Variants in PRKCQ observed in about 807,000 individuals in gnomAD.
PRKCQ encodes the protein protein kinase C theta type.
Under a neutral mutation model 91.2 loss-of-function variants are expected in PRKCQ, and 41 were observed. The ratio of observed to expected loss-of-function variants is 0.45; its 90% confidence interval spans 0.35 to 0.58. The LOEUF (loss-of-function observed/expected upper bound fraction) is 0.58, where lower values mean the gene tolerates loss of function less well. Ranked by LOEUF, PRKCQ falls within the 20% of genes least tolerant of loss-of-function variation. PRKCQ has a pLI of 0.00. For synonymous variants in PRKCQ, 307 were observed against 316.9 expected (o/e 0.97, Z 0.33); for missense variants, 673 against 896.5 (o/e 0.75, Z 3.18).
intron 1 of PRKCQ, among the ~76,000 whole-genome samples, chr10:6,540,180 G>C (rs886724589): frequency 6.6e-6 from 1 of 152,122 alleles, no homozygotes; most frequent in Admixed American, 6.5e-5. Context: ...ACTAGTTCTT[G>C]CTGCCAGGAT....
the PRKCQ span, among the ~76,000 whole-genome samples, chr10:6,402,279 ATACC>A: frequency 3.3e-5 from 5 of 150,866 alleles, no homozygotes; most frequent in Non-Finnish European, 7.4e-5. Flanking sequence ...TGGCACGTGC[ATACC>A]TATGTAACAA....
chr10:6,406,362 G>C, the PRKCQ span, among the ~76,000 whole-genome samples: 1 of 151,316 alleles, frequency 6.6e-6, no homozygotes. Flanking sequence ...TTGCACAATG[G>C]GGCCCGTGTT....
At chr10:6,507,614 C>CTCAATACAA (rs1372768507) in intron 3 of PRKCQ, 118 bp from the exon 4 acceptor site, 5 of 882,686 alleles carry the variant, frequency 5.7e-6, no homozygotes, top group Non-Finnish European at 9.5e-6. Flanking sequence ...ATCATTGTTA[C>CTCAATACAA]TCTCCACTGT....
chr10:6,420,098 C>T, the PRKCQ span, among the ~76,000 whole-genome samples: 1 of 152,138 alleles, frequency 6.6e-6, no homozygotes, highest in Non-Finnish European at 1.5e-5. Flanking sequence ...AAGTGATTCT[C>T]CTGCCTCAGC....
At chr10:6,401,423 G>A in the PRKCQ span, among the ~76,000 whole-genome samples, 3 of 151,988 alleles carry the variant, frequency 2.0e-5, no homozygotes, top group Non-Finnish European at 2.9e-5. Context: ...ACATAATTAA[G>A]TAGACAACCT....
chr10:6,524,960 G>A (rs978041090), intron 1 of PRKCQ, among the ~76,000 whole-genome samples: 1 of 152,144 alleles, frequency 6.6e-6, no homozygotes, highest in Non-Finnish European at 1.5e-5. Flanking sequence ...GTTTAAAAAG[G>A]GGTTAGGCTT....
chr10:6,557,767 A>G (rs367833789), intron 1 of PRKCQ, among the ~76,000 whole-genome samples: 3 of 152,138 alleles, frequency 2.0e-5, no homozygotes, highest in East Asian at 3.9e-4. Flanking sequence ...CATGAATTCT[A>G]CTTTTTCCAG....
At chr10:6,432,446 C>T (rs923800439) in intron 16 of PRKCQ, among the ~76,000 whole-genome samples, 3 of 152,074 alleles carry the variant, frequency 2.0e-5, no homozygotes, top group Non-Finnish European at 4.4e-5. Context: ...TGCAATCACC[C>T]GGTGTATCTG....
intron 5 of PRKCQ, among the ~76,000 whole-genome samples, chr10:6,498,042 C>T (rs1837709141): frequency 6.6e-6 from 1 of 152,160 alleles, no homozygotes; most frequent in South Asian, 2.1e-4. Context: ...AAAGTAGCAC[C>T]AGCAGGGTTG....
At chr10:6,580,337 C>T (rs1037736554), upstream of PRKCQ, 5 of 144,594 alleles carry the variant, frequency 3.5e-5, no homozygotes, top group African/African-American at 1.3e-4. Context: ...GGGCCCGGCG[C>T]ACTGCGGGTG....
Position 6,576,469 on chromosome 10 carries a change from T to G in PRKCQ, c.-10+3742A>C, listed in dbSNP as rs1841241216. Among the ~76,000 whole-genome samples the G allele has an allele frequency of 6.6e-6, 1 of 152,238 alleles. No individual in the cohort carries two copies. The highest frequency in any genetic ancestry group is 1.5e-5 in the Non-Finnish European group (1 of 68,040). Reference sequence around the variant, plus strand: ...TTACAAAAGGATGGATACTGTATTCTGCTTCTGTGAGGTCCCTAGAGCAGT... The same window carrying G: ...TTACAAAAGGATGGATACTGTATTCGGCTTCTGTGAGGTCCCTAGAGCAGT... On this transcript the variant is annotated intron_variant, in intron 1 of 17. Coordinates refer to ENST00000263125, the MANE Select transcript of PRKCQ (RefSeq NM_006257.5). This position sits in a 1 kb window ranked among gnomAD's most constrained non-coding sequence, Gnocchi z 4.2.
At chr10:6,575,547 C>G (rs536251062) in intron 1 of PRKCQ, among the ~76,000 whole-genome samples, 1 of 152,174 alleles carries the variant, frequency 6.6e-6, no homozygotes, top group Non-Finnish European at 1.5e-5. Flanking sequence ...CTTCCCTAGT[C>G]CCTCAGGTGC....
intron 1 of PRKCQ, among the ~76,000 whole-genome samples, chr10:6,556,005 C>T (rs1379039584): frequency 6.6e-6 from 1 of 151,894 alleles, no homozygotes; most frequent in East Asian, 1.9e-4. Context: ...CGAGACTCTG[C>T]CTCAAAAAAC....
chr10:6,542,143 A>G (rs1839799781), intron 1 of PRKCQ, among the ~76,000 whole-genome samples: 1 of 152,236 alleles, frequency 6.6e-6, no homozygotes, highest in South Asian at 2.1e-4. Context: ...ACAAAGCTCA[A>G]TGAAGGACAG....
intron 1 of PRKCQ, among the ~76,000 whole-genome samples, chr10:6,569,983 C>T (rs530490422): frequency 8.6e-5 from 13 of 151,010 alleles, no homozygotes; most frequent in South Asian, 2.1e-4. Context: ...GCTCACAGGG[C>T]GGGAAAATTG....
rs201602550 is a variant in PRKCQ at position 6,428,376 on chromosome 10, T to C, written c.1966-14A>G. ...AAATGGTGATTTCTTAGTCAGAGTT[T>C]AAGGGAAGAAAGAAAGAGAAGAAAA... On this transcript the variant is annotated splice_polypyrimidine_tract_variant and intron_variant, in intron 17 of 17. Coordinates refer to ENST00000263125, the MANE Select transcript of PRKCQ (RefSeq NM_006257.5). 1.1e-5 allele frequency: 18 copies of C among 1,607,352 alleles called. No homozygotes were observed. The South Asian group carries it at 1.8e-4, about 16-fold the overall frequency.
chr10:6,557,391 T>C (rs1232592734), intron 1 of PRKCQ, among the ~76,000 whole-genome samples: 1 of 152,212 alleles, frequency 6.6e-6, no homozygotes, highest in Non-Finnish European at 1.5e-5. Context: ...CTCTGTACTA[T>C]CAATTGTATT....
chr10:6,448,100 G>A (rs1564304004), intron 15 of PRKCQ, among the ~76,000 whole-genome samples: 1 of 152,202 alleles, frequency 6.6e-6, no homozygotes, highest in Non-Finnish European at 1.5e-5. Context: ...GCCCAGAGGT[G>A]GGGAATTCAG....
intron 3 of PRKCQ, 86 bp downstream of exon 3, chr10:6,510,909 C>A: frequency 6.6e-7 from 1 of 1,514,494 alleles, no homozygotes; most frequent in East Asian, 2.3e-5. Context: ...TGTAATCACA[C>A]CCTCAGATTG....
Sources: gnomAD v4.1 joint callset for allele counts (sites outside exome capture counted in the v4.1 genomes callset) on GRCh38, gnomAD v4.1.1 for gene constraint, Gnocchi (gnomAD v3.1) non-coding constraint, MANE v1.5 for transcripts, NCBI Gene and HGNC (gene_info 2026-07-23, HGNC 2026-07-21) for gene names.